RAI14: variants seen among roughly 807,000 people sequenced by gnomAD.
The protein encoded by RAI14 is retinoic acid induced 14.
A neutral mutation model predicts 115.4 loss-of-function variants in RAI14; 45 were observed. The ratio of observed to expected loss-of-function variants is 0.39; its 90% confidence interval spans 0.31 to 0.50. The LOEUF (loss-of-function observed/expected upper bound fraction) is 0.50, where lower values mean the gene tolerates loss of function less well. Among genes scored for constraint, RAI14 ranks in the 20% least tolerant of loss-of-function variants. RAI14 has a pLI of 0.85. For missense variants in RAI14, 939 were observed against 1,131.2 expected, an observed-to-expected ratio of 0.83 and a Z score of 2.44; for synonymous variants, 371 against 415.4, an observed-to-expected ratio of 0.89 and a Z score of 1.30.
chr5:34,737,051 G>A (rs1744962278), intron 2 of RAI14, among the ~76,000 whole-genome samples: 1 of 152,136 alleles, frequency 6.6e-6, no homozygotes, highest in South Asian at 2.1e-4. Context: ...ATCATGTGAG[G>A]GATCTAGGTT....
intron 10 of RAI14, among the ~76,000 whole-genome samples, chr5:34,812,622 A>G (rs556850013): frequency 3.3e-5 from 5 of 152,222 alleles, no homozygotes; most frequent in South Asian, 2.1e-4. Context: ...CTGAGATTGC[A>G]CGATTGCACT....
chr5:34,724,418 C>T (rs1184707176), intron 2 of RAI14, among the ~76,000 whole-genome samples: 1 of 151,972 alleles, frequency 6.6e-6, no homozygotes. Flanking sequence ...TAAAGTATGC[C>T]CGGTATTTGG....
At position 34,723,079 on chromosome 5, in the gene RAI14, G is replaced by A. The variant is rs187272226; in HGVS notation, c.37-34389G>A. Among the ~76,000 whole-genome samples, 976 of 132,572 alleles carry A rather than the reference G, an allele frequency of 7.4e-3. 9 individuals are homozygous for A. The highest frequency in any genetic ancestry group is 0.027 in the African/African-American group (916 of 33,776). The allele number at this position is 132,572 out of a possible 152,430, so 87.0% of individuals were successfully genotyped here. ...TGCACCACTGCACTCCAGCCTGGGC[G>A]ACAGAGTGAGACCCTGTCTCAAAAA... On this transcript the variant is annotated intron_variant, in intron 2 of 17. Coordinates refer to ENST00000265109, the MANE Select transcript of RAI14 (RefSeq NM_015577.3).
At chr5:34,687,586 A>G in intron 2 of RAI14, 1 of 1,502,916 alleles carries the variant, frequency 6.7e-7, no homozygotes, top group Non-Finnish European at 8.9e-7. Context: ...GAGGGGTTGT[A>G]CACGATAATA....
chr5:34,786,804 A>G (rs1752355311), intron 3 of RAI14, among the ~76,000 whole-genome samples: 1 of 152,182 alleles, frequency 6.6e-6, no homozygotes, highest in South Asian at 2.1e-4. Flanking sequence ...ACTTAAAGAC[A>G]CACACACAGA....
intron 1 of RAI14, among the ~76,000 whole-genome samples, chr5:34,671,426 A>C (rs948594740): frequency 6.6e-6 from 1 of 152,092 alleles, no homozygotes; most frequent in Admixed American, 6.6e-5. Flanking sequence ...TATTTGTTAG[A>C]CTTGTTTTGT....
intron 6 of RAI14, among the ~76,000 whole-genome samples, chr5:34,808,091 T>G (rs1372320102): frequency 6.6e-6 from 1 of 152,228 alleles, no homozygotes; most frequent in African/African-American, 2.4e-5. Context: ...GATTAATATA[T>G]TTTAACTAAT....
chr5:34,728,252 T>G (rs1743729308), intron 2 of RAI14, among the ~76,000 whole-genome samples: 1 of 152,216 alleles, frequency 6.6e-6, no homozygotes, highest in Admixed American at 6.5e-5. Flanking sequence ...GGACTTGTCT[T>G]GTCTCAGATG....
At chr5:34,689,726 G>C (rs1738331575) in intron 2 of RAI14, among the ~76,000 whole-genome samples, 1 of 151,998 alleles carries the variant, frequency 6.6e-6, no homozygotes, top group South Asian at 2.1e-4. Context: ...TACAAAATTA[G>C]CCGGGTGTGG....
chr5:34,765,484 A>G (rs1267055365), intron 3 of RAI14, among the ~76,000 whole-genome samples: 1 of 152,208 alleles, frequency 6.6e-6, no homozygotes, highest in Non-Finnish European at 1.5e-5. Flanking sequence ...TGTTTTAGCA[A>G]AGAGACTGGT....
intron 5 of RAI14, among the ~76,000 whole-genome samples, chr5:34,806,186 A>G (rs1754869715): frequency 6.6e-6 from 1 of 152,172 alleles, no homozygotes; most frequent in South Asian, 2.1e-4. Flanking sequence ...AAATGGTACA[A>G]TGTGTGCAAA....
rs879722503 is a variant in RAI14 at position 34,791,814 on chromosome 5, G to C, written c.168-4125G>C. Among the ~76,000 whole-genome samples, 1 of 152,220 alleles carries C rather than the reference G, an allele frequency of 6.6e-6. No homozygotes were observed. Among genetic ancestry groups the C allele is most frequent in the Non-Finnish European group, 1.5e-5 (1 of 68,040 alleles). On this transcript the variant is annotated intron_variant, in intron 3 of 17. Coordinates refer to ENST00000265109, the MANE Select transcript of RAI14 (RefSeq NM_015577.3). This position sits in a 1 kb window ranked among gnomAD's most constrained non-coding sequence, Gnocchi z 5.4. ...GAGGGAAAGCTGCAGCTGTGGCTGTGGGAGAGCCGGCCTGCAAAGCTGTGG... is the reference window on the plus strand; with the variant it reads ...GAGGGAAAGCTGCAGCTGTGGCTGTCGGAGAGCCGGCCTGCAAAGCTGTGG...
chr5:34,688,267 T>C, intron 2 of RAI14: 2 of 1,542,502 alleles, frequency 1.3e-6, no homozygotes, highest in Non-Finnish European at 8.8e-7. Flanking sequence ...ATGGAAAATG[T>C]TGCCCAATTC....
At chr5:34,695,279 G>A (rs12520981) in intron 2 of RAI14, among the ~76,000 whole-genome samples, 1 of 152,146 alleles carries the variant, frequency 6.6e-6, no homozygotes, top group Admixed American at 6.5e-5. Flanking sequence ...GTACTAATTA[G>A]GTATATGATA....
At chr5:34,759,265 A>AG (rs1234275159) in intron 3 of RAI14, among the ~76,000 whole-genome samples, 1 of 151,828 alleles carries the variant, frequency 6.6e-6, no homozygotes, top group East Asian at 1.9e-4. Flanking sequence ...TCTGTATCAA[A>AG]GGGAAAAAAA....
Position 34,686,906 on chromosome 5 carries a change from T to A in RAI14, c.-14T>A. ...AGTCTCCTCTAGAGCTTTGGAAGGC[T>A]GAATGCACTAAACATGAAGAGCTTG... On this transcript the variant is annotated 5_prime_UTR_variant, in exon 2 of 18. Coordinates refer to ENST00000265109, the MANE Select transcript of RAI14 (RefSeq NM_015577.3). 1 of 1,613,432 alleles carries A rather than the reference T, an allele frequency of 6.2e-7. No homozygotes were observed. Among genetic ancestry groups the A allele is most frequent in the Non-Finnish European group, 8.5e-7 (1 of 1,179,630 alleles).
intron 2 of RAI14, among the ~76,000 whole-genome samples, chr5:34,755,355 T>TA (rs1253573164): frequency 6.6e-6 from 1 of 152,220 alleles, no homozygotes; most frequent in Non-Finnish European, 1.5e-5. Context: ...GACACATTCT[T>TA]ACTTTGTTAA....
Position 34,807,801 on chromosome 5 carries a change from C to G in RAI14, c.323C>G (p.Ser108Cys). ...GATGTATTTATTTTTGTCTTATAGTCTAAATGCCCAGCCGAAAGTGTCGAC... is the reference window on the plus strand; with the variant it reads ...GATGTATTTATTTTTGTCTTATAGTGTAAATGCCCAGCCGAAAGTGTCGAC... The part of the protein sequence containing the change: ...HHECIRKLLQ[S>C]KCPAESVDSS... The change falls in exon 6 of 18, where the codon TCT (serine) becomes TGT (cysteine). Residue 108 changes from serine to cysteine, a missense_variant and splice_region_variant. Transcript: ENST00000265109. 6.2e-7 allele frequency: 1 copy of G among 1,607,474 alleles called. No homozygotes were observed. Among genetic ancestry groups the G allele is most frequent in the Non-Finnish European group, 8.5e-7 (1 of 1,173,954 alleles).
intron 3 of RAI14, among the ~76,000 whole-genome samples, chr5:34,760,988 A>C (rs773001669): frequency 3.3e-5 from 5 of 152,198 alleles, no homozygotes; most frequent in Admixed American, 6.5e-5. Flanking sequence ...CAATCATATA[A>C]TATGTGGCCT....
Sources: gnomAD v4.1 joint callset for allele counts (sites outside exome capture counted in the v4.1 genomes callset) on GRCh38, gnomAD v4.1.1 for gene constraint, Gnocchi (gnomAD v3.1) non-coding constraint, MANE v1.5 for transcripts, NCBI Gene and HGNC (gene_info 2026-07-23, HGNC 2026-07-21) for gene names.